The following TAF4 variants were observed in gnomAD, a reference collection of about 807,000 sequenced individuals.
TAF4 encodes the protein transcription initiation factor TFIID subunit 4.
In TAF4, 9 loss-of-function variants were observed where a neutral mutation model predicts 90.3. The ratio of observed to expected loss-of-function variants is 0.10; its 90% CI spans 0.06 to 0.17. TAF4 has a LOEUF of 0.17. Among genes scored for constraint, TAF4 ranks in the 10% least tolerant of loss-of-function variants. The probability of loss-of-function intolerance (pLI) is 1.00; values close to 1 mark genes in which losing one functional copy is unlikely to be tolerated. For synonymous variants in TAF4, 818 were observed against 638.9 expected (o/e 1.28, Z -4.23); for missense variants, 1,351 against 1,370.7 (o/e 0.99, Z 0.23).
intron 1 of TAF4, among the ~76,000 whole-genome samples, chr20:62,040,728 C>G (rs1299871742): frequency 6.6e-6 from 1 of 152,214 alleles, no homozygotes; most frequent in African/African-American, 2.4e-5. Context: ...AGCACTGAGC[C>G]CGCGGATGAA....
intron 1 of TAF4, among the ~76,000 whole-genome samples, chr20:62,042,389 C>T (rs1049515820): frequency 4.6e-5 from 7 of 152,226 alleles, no homozygotes; most frequent in African/African-American, 1.7e-4. Context: ...CCTTCAAGTC[C>T]GTGTGACCTG....
chr20:62,006,453 C>G lies in TAF4; in HGVS notation c.2223+57G>C. 7.4e-7 allele frequency: 1 copy of G among 1,347,452 alleles called. No homozygotes were observed. The highest frequency in any genetic ancestry group is 9.6e-7 in the Non-Finnish European group (1 of 1,046,850). 83.5% of individuals were successfully genotyped at this position (1,347,452 alleles called of 1,614,324 possible). ...AGCCGTGGCCAATTTATCTAAGAAG[C>G]GGGCGGGAGCAGAGGCACGGTGGGC... On this transcript the variant is annotated intron_variant, in intron 7 of 14. Coordinates refer to ENST00000252996, the MANE Select transcript of TAF4 (RefSeq NM_003185.4). The surrounding 1 kb of genome is among the most constrained non-coding windows in gnomAD (Gnocchi z 7.0).
At chr20:61,998,935 G>T (rs747982146) in intron 12 of TAF4, 48 bp downstream of exon 12, 37 of 1,602,216 alleles carry the variant, frequency 2.3e-5, no homozygotes, top group Non-Finnish European at 2.6e-5. Flanking sequence ...TCAGGTTGTG[G>T]CTGAGACGGA....
intron 6 of TAF4, 41 bp downstream of exon 6, chr20:62,007,506 C>T (rs750803155): frequency 1.3e-6 from 2 of 1,588,224 alleles, no homozygotes; most frequent in South Asian, 2.2e-5. Flanking sequence ...CCACCCCTCC[C>T]TGGCCCTACT....
rs200025111 is a variant in TAF4, at chr20:62,000,613, C to A, written c.2595G>T (p.Arg865=). The A allele has an allele frequency of 6.8e-6, 11 of 1,614,156 alleles. No homozygotes were observed. In the African/African-American group the frequency reaches 1.2e-4, roughly 18 times the overall value. Residue 865 remains arginine, a synonymous_variant, in exon 10 of 15, where the codon CGG becomes CGT. Coordinates refer to ENST00000252996, the MANE Select transcript of TAF4 (RefSeq NM_003185.4). ...TNSELVGTLT[R]SCKDETFLLQ... Reference sequence around the variant, plus strand: ...GGAGGAAGGTTTCATCTTTACAGGACCGCGTTAGCGTGCCCACCAATTCAG... The same window carrying A: ...GGAGGAAGGTTTCATCTTTACAGGAACGCGTTAGCGTGCCCACCAATTCAG...
rs192298487 is a variant in TAF4, at chr20:62,020,006, C to T, written c.1361-5299G>A. Among the ~76,000 whole-genome samples, 65 of 152,304 alleles carry T rather than the reference C, an allele frequency of 4.3e-4. 2 individuals carry two copies. The highest frequency in any genetic ancestry group is 1.3e-3 in the African/African-American group (52 of 41,578). On this transcript the variant is annotated intron_variant, in intron 1 of 14. Coordinates refer to ENST00000252996, the MANE Select transcript of TAF4 (RefSeq NM_003185.4). ...GCCCTGGCCTCCTGAGGCCCAGCCCCGGCTACCTCTTGGCCCTGCACCACC... is the reference window on the plus strand; with the variant it reads ...GCCCTGGCCTCCTGAGGCCCAGCCCTGGCTACCTCTTGGCCCTGCACCACC...
At chr20:62,004,501 T>A (rs1195498378) in intron 7 of TAF4, 1 of 151,730 alleles carries the variant, frequency 6.6e-6, no homozygotes, top group Non-Finnish European at 1.5e-5. Flanking sequence ...TTTTGTAATT[T>A]TTTTTTTGTA....
chr20:62,048,354 G>C (rs1378481236), intron 1 of TAF4, among the ~76,000 whole-genome samples: 2 of 152,074 alleles, frequency 1.3e-5, no homozygotes, highest in Non-Finnish European at 2.9e-5. Flanking sequence ...TGCTCAGCTG[G>C]GCATCCCGAG....
chr20:61,994,132 C>A (rs1247963971), intron 14 of TAF4, among the ~76,000 whole-genome samples: 10 of 151,094 alleles, frequency 6.6e-5, no homozygotes, highest in Admixed American at 5.9e-4. Flanking sequence ...TAATCAATAT[C>A]TTTCACCTCC....
At chr20:62,003,306 A>G (rs756670400) in intron 8 of TAF4, 32 bp from the exon 9 acceptor site, 2 of 1,560,932 alleles carry the variant, frequency 1.3e-6, no homozygotes, top group South Asian at 2.2e-5. Context: ...GAAACCACAC[A>G]AGGCTTTTAT....
intron 9 of TAF4, among the ~76,000 whole-genome samples, chr20:62,002,570 A>G (rs558210546): frequency 2.0e-5 from 3 of 152,194 alleles, no homozygotes; most frequent in African/African-American, 7.2e-5. Flanking sequence ...AGCTCACTGT[A>G]ACACTGAACT....
Position 62,003,863 on chromosome 20 carries a change from G to C in TAF4, c.2239C>G (p.Pro747Ala). 2 of 1,576,156 alleles carry C rather than the reference G, an allele frequency of 1.3e-6. No individual in the cohort carries two copies. The highest frequency in any genetic ancestry group is 1.7e-6 in the Non-Finnish European group (2 of 1,163,464). ...GGCCGGATCAGGGCTCCTGGCTTCG[G>C]AGGCTGCTGGATGACCTGAGGCAGA... is the stretch of plus-strand genomic sequence containing the variant. ...QPTPLVIQQP[P>A]KPGALIRPPQ... Residue 747 changes from proline to alanine, a missense_variant, in exon 8 of 15, where the codon CCG becomes GCG. Transcript: ENST00000252996.
chr20:62,036,496 G>A (rs570477619), intron 1 of TAF4, among the ~76,000 whole-genome samples: 7 of 152,294 alleles, frequency 4.6e-5, no homozygotes, highest in African/African-American at 1.7e-4. Flanking sequence ...ATGCAGTACT[G>A]CAAGACAAAC....
In TAF4 at chr20:62,065,569, C is replaced by A; in HGVS notation, c.242G>T (p.Gly81Val). The A allele has an allele frequency of 1.0e-6, 1 of 976,750 alleles. No individual in the cohort carries two copies. Among genetic ancestry groups the A allele is most frequent in the Admixed American group, 6.4e-5 (1 of 15,556 alleles). 60.5% of individuals were successfully genotyped at this position (976,750 alleles called of 1,614,324 possible). A position where few individuals can be genotyped will look rare whatever the true frequency, so the allele number is the denominator to read the frequency against. Residue 81 changes from glycine to valine, a missense_variant, in exon 1 of 15, where the codon GGC (glycine) becomes GTC (valine). By Grantham distance (109) the Gly-to-Val change is moderately radical. Around this residue, in one of 9 missense-constraint regions of TAF4, gnomAD observed 782 missense variants for 536.6 expected, o/e 1.46. Transcript: ENST00000252996. ...AGAGPAAPAE[G>V]APGAAPEPPP... Reference sequence around the variant, plus strand: ...CGGCTCCGGCGCCGCTCCGGGCGCGCCCTCGGCGGGGGCGGCCGGCCCTGC... The same window carrying A: ...CGGCTCCGGCGCCGCTCCGGGCGCGACCTCGGCGGGGGCGGCCGGCCCTGC...
At chr20:62,059,761 G>A (rs987260034) in intron 1 of TAF4, among the ~76,000 whole-genome samples, 2 of 152,216 alleles carry the variant, frequency 1.3e-5, no homozygotes, top group East Asian at 3.8e-4. Context: ...GCACCATGAA[G>A]AAGAAAAGCA....
chr20:62,013,904 C>CGG lies in TAF4; in HGVS notation c.1521+641_1521+642dup, dbSNP rs201993541. Among the ~76,000 whole-genome samples the CGG allele has an allele frequency of 2.3e-3, 271 of 116,030 alleles. 2 individuals are homozygous for CGG. The highest frequency in any genetic ancestry group is 6.7e-3 in the East Asian group (21 of 3,140). 76.1% of individuals were successfully genotyped at this position (116,030 alleles called of 152,430 possible). A position where few individuals can be genotyped will look rare whatever the true frequency, so the allele number is the denominator to read the frequency against. ...GGAGCTTCGGCCCTGAAGGCTGACG[C>CGG]GGGTGTGTGTGTGTGTGTGTGTGTG... On this transcript the variant is annotated intron_variant, in intron 2 of 14. Coordinates refer to ENST00000252996, the MANE Select transcript of TAF4 (RefSeq NM_003185.4).
intron 1 of TAF4, among the ~76,000 whole-genome samples, chr20:62,060,016 G>C (rs1490055884): frequency 6.6e-6 from 1 of 152,240 alleles, no homozygotes; most frequent in Non-Finnish European, 1.5e-5. Flanking sequence ...TCTGATTTCG[G>C]GATGCGGACA....
intron 1 of TAF4, among the ~76,000 whole-genome samples, chr20:62,029,788 C>T (rs1018051366): frequency 6.6e-6 from 1 of 152,198 alleles, no homozygotes; most frequent in Non-Finnish European, 1.5e-5. Context: ...CACCTGTAAT[C>T]CCAGCTACTT....
intron 14 of TAF4, among the ~76,000 whole-genome samples, chr20:61,977,498 G>C (rs6142906): frequency 0.62 from 94,940 of 151,968 alleles, 29,788 homozygotes; most frequent in Middle Eastern, 0.76. Context: ...CGCCCCTCAT[G>C]CCGTCCTTCC....
Sources: allele counts gnomAD v4.1 joint callset (sites outside exome capture counted in the v4.1 genomes callset), GRCh38; gene constraint gnomAD v4.1.1; regional missense constraint gnomAD v4.1.1; non-coding constraint Gnocchi (gnomAD v3.1); transcripts MANE v1.5; gene names NCBI Gene and HGNC (gene_info 2026-07-23, HGNC 2026-07-21).